NLGN1: variants seen among roughly 807,000 people sequenced by gnomAD.
The protein encoded by NLGN1 is neuroligin 1.
NLGN1 carries 12 observed loss-of-function variants against 65.5 expected under a neutral mutation model. The ratio of observed to expected loss-of-function variants is 0.18; its 90% CI spans 0.12 to 0.30. NLGN1 has a LOEUF of 0.30. Among genes scored for constraint, NLGN1 ranks in the 10% least tolerant of loss-of-function variants. The pLI is 1.00. For synonymous variants in NLGN1, 350 were observed against 359.5 expected, an observed-to-expected ratio of 0.97 and a Z score of 0.30; for missense variants, 750 against 1,007.1, an observed-to-expected ratio of 0.74 and a Z score of 3.46.
At chr3:173,598,709 T>G (rs998222226) in intron 2 of NLGN1, among the ~76,000 whole-genome samples, 2 of 152,188 alleles carry the variant, frequency 1.3e-5, no homozygotes, top group African/African-American at 4.8e-5. Flanking sequence ...CAAAAAAGCC[T>G]TTTACTTTTC....
intron 3 of NLGN1, among the ~76,000 whole-genome samples, chr3:173,748,825 AGGTT>A (rs1386454631): frequency 6.6e-6 from 1 of 152,094 alleles, no homozygotes; most frequent in East Asian, 1.9e-4. Context: ...TGTTTGAGTA[AGGTT>A]GCTTATTTAT....
chr3:173,812,680 C>T (rs998313256), intron 4 of NLGN1, among the ~76,000 whole-genome samples: 1 of 150,588 alleles, frequency 6.6e-6, no homozygotes, highest in Non-Finnish European at 1.5e-5. Flanking sequence ...GCACTCCAGC[C>T]TGGGTGACAG....
At chr3:173,596,197 A>G (rs992712800) in intron 2 of NLGN1, among the ~76,000 whole-genome samples, 2 of 150,772 alleles carry the variant, frequency 1.3e-5, no homozygotes, top group African/African-American at 4.9e-5. Context: ...CTTTTTTTTA[A>G]TGTTATTGGA....
chr3:173,491,962 T>A (rs1157772142), intron 2 of NLGN1, among the ~76,000 whole-genome samples: 2 of 151,710 alleles, frequency 1.3e-5, no homozygotes, highest in Admixed American at 6.6e-5. Context: ...CCACCTGTGA[T>A]CCTTAGCACC....
chr3:173,471,114 A>G (rs1725247031), intron 2 of NLGN1, among the ~76,000 whole-genome samples: 1 of 152,188 alleles, frequency 6.6e-6, no homozygotes, highest in Non-Finnish European at 1.5e-5. Flanking sequence ...GCATCCTTAC[A>G]GCAAATTTAT....
intron 2 of NLGN1, among the ~76,000 whole-genome samples, chr3:173,550,855 A>G (rs1018400390): frequency 2.0e-5 from 3 of 152,152 alleles, no homozygotes; most frequent in African/African-American, 7.2e-5. Flanking sequence ...AATATATATT[A>G]TAACCTATTC....
intron 2 of NLGN1, among the ~76,000 whole-genome samples, chr3:173,571,744 T>A (rs1008500295): frequency 3.2e-4 from 48 of 152,224 alleles, no homozygotes; most frequent in African/African-American, 9.9e-4. Flanking sequence ...GCGAAGTAGG[T>A]TTAGATGTTT....
chr3:173,959,238 C>T (rs1271708357), intron 4 of NLGN1, among the ~76,000 whole-genome samples: 1 of 152,216 alleles, frequency 6.6e-6, no homozygotes, highest in African/African-American at 2.4e-5. Context: ...GGGCTCCTAC[C>T]TGCTCTGTGG....
At chr3:173,766,964 G>A (rs567296182) in intron 3 of NLGN1, among the ~76,000 whole-genome samples, 2 of 152,198 alleles carry the variant, frequency 1.3e-5, no homozygotes, top group Non-Finnish European at 2.9e-5. Flanking sequence ...CCGATCTGCT[G>A]TATTTCTTCC....
intron 1 of NLGN1, among the ~76,000 whole-genome samples, chr3:173,430,259 T>A (rs1409805106): frequency 6.6e-6 from 1 of 152,262 alleles, no homozygotes; most frequent in East Asian, 1.9e-4. Context: ...AGTCATCACA[T>A]CCTCAGTTTT....
chr3:174,239,575 TGATTC>T lies in NLGN1; in HGVS notation c.647-35739_647-35735del, dbSNP rs150991339. ...TTTGTTGTTGTTACTCTTTTTTGCT[TGATTC>T]ATTTTTAATGTTTCCTTTTGTATTA... On this transcript the variant is annotated intron_variant, in intron 4 of 6. Transcript: ENST00000457714. Among the ~76,000 whole-genome samples, 440 of 152,338 alleles carry T rather than the reference TGATTC, an allele frequency of 2.9e-3. 1 individual carries two copies. The highest frequency in any genetic ancestry group is 0.01 in the African/African-American group (418 of 41,582).
intron 2 of NLGN1, among the ~76,000 whole-genome samples, chr3:173,475,801 A>T (rs903694112): frequency 6.6e-6 from 1 of 152,150 alleles, no homozygotes; most frequent in Non-Finnish European, 1.5e-5. Flanking sequence ...ATGTGATGTA[A>T]ATACTCTAAT....
At chr3:173,675,887 T>TCTCTCTCTCACACACACACACACA (rs756157881) in intron 3 of NLGN1, among the ~76,000 whole-genome samples, 1 of 138,578 alleles carries the variant, frequency 7.2e-6, no homozygotes, top group African/African-American at 2.8e-5. Flanking sequence ...TCTCTCTCTC[T>TCTCTCTCTCACACACACACACACA]CACACACACA....
At chr3:174,094,087 A>T (rs1344384538) in intron 4 of NLGN1, among the ~76,000 whole-genome samples, 2 of 152,190 alleles carry the variant, frequency 1.3e-5, no homozygotes, top group Non-Finnish European at 2.9e-5. Context: ...GCTGTATAGT[A>T]TAGACTAGAT....
At chr3:173,636,809 C>T (rs2149569131) in intron 3 of NLGN1, among the ~76,000 whole-genome samples, 1 of 152,032 alleles carries the variant, frequency 6.6e-6, no homozygotes, top group Admixed American at 6.6e-5. Context: ...GTCATTAACA[C>T]CTATACTGTA....
intron 3 of NLGN1, among the ~76,000 whole-genome samples, chr3:173,667,770 C>T (rs1761915821): frequency 6.6e-6 from 1 of 152,172 alleles, no homozygotes; most frequent in African/African-American, 2.4e-5. Flanking sequence ...GCTGGGACTA[C>T]AGGTGTGCAC....
intron 4 of NLGN1, among the ~76,000 whole-genome samples, chr3:173,859,117 A>G (rs1728575002): frequency 6.6e-6 from 1 of 152,072 alleles, no homozygotes; most frequent in African/African-American, 2.4e-5. Context: ...GAAATGCTTC[A>G]GGGAAAGAAA....
chr3:173,894,752 C>T (rs1736034910), intron 4 of NLGN1, among the ~76,000 whole-genome samples: 1 of 150,732 alleles, frequency 6.6e-6, no homozygotes, highest in Non-Finnish European at 1.5e-5. Context: ...ATTCTCCTGT[C>T]TAAGCTTCCC....
chr3:174,051,127 G>T (rs528742148), intron 4 of NLGN1, among the ~76,000 whole-genome samples: 1 of 152,150 alleles, frequency 6.6e-6, no homozygotes, highest in South Asian at 2.1e-4. Context: ...ATTACATTAA[G>T]AATTCTAATT....
Sources: gnomAD v4.1 joint callset for allele counts (sites outside exome capture counted in the v4.1 genomes callset) on GRCh38, gnomAD v4.1.1 for gene constraint, MANE v1.5 for transcripts, NCBI Gene and HGNC (gene_info 2026-07-23, HGNC 2026-07-21) for gene names.